SPAG16: variants seen among roughly 807,000 people sequenced by gnomAD.
SPAG16 encodes the protein sperm associated antigen 16.
SPAG16 carries 86 observed loss-of-function variants against 80.4 expected under a neutral mutation model. The ratio of observed to expected loss-of-function variants is 1.07; its 90% CI spans 0.90 to 1.28. The LOEUF is 1.28. Among genes scored for constraint, SPAG16 ranks in the 50% most tolerant of loss-of-function variants. SPAG16 has a pLI of 0.00. For synonymous variants in SPAG16, 294 were observed against 265.9 expected, an observed-to-expected ratio of 1.11 and a Z score of -1.03; for missense variants, 870 against 765.3, an observed-to-expected ratio of 1.14 and a Z score of -1.61.
intron 14 of SPAG16, among the ~76,000 whole-genome samples, chr2:214,119,399 A>C (rs1173334756): frequency 6.6e-6 from 1 of 152,138 alleles, no homozygotes; most frequent in Non-Finnish European, 1.5e-5. Flanking sequence ...CAAAAAAGGA[A>C]GATGACAGTA....
intron 15 of SPAG16, among the ~76,000 whole-genome samples, chr2:214,311,311 G>A (rs1290109136): frequency 2.0e-5 from 3 of 152,160 alleles, no homozygotes; most frequent in African/African-American, 7.2e-5. Context: ...GGGTTTTGAG[G>A]TTCCCTGGGT....
At chr2:214,299,243 C>CTT (rs33961996) in intron 15 of SPAG16, among the ~76,000 whole-genome samples, 34 of 57,666 alleles carry the variant, frequency 5.9e-4, no homozygotes, top group South Asian at 7.7e-4. Context: ...GTGTAGTATA[C>CTT]TTTTTTTTTT....
At chr2:214,381,768 T>A (rs995078395) in intron 15 of SPAG16, among the ~76,000 whole-genome samples, 3 of 152,046 alleles carry the variant, frequency 2.0e-5, no homozygotes, top group African/African-American at 7.2e-5. Context: ...CTTAATCCAA[T>A]CCAAACAAAG....
intron 10 of SPAG16, among the ~76,000 whole-genome samples, chr2:213,651,385 G>A (rs1559344796): frequency 2.0e-5 from 3 of 152,164 alleles, no homozygotes; most frequent in African/African-American, 7.2e-5. Context: ...TGGAGCACAT[G>A]TTCATTCTAC....
intron 11 of SPAG16, among the ~76,000 whole-genome samples, chr2:213,884,926 T>C (rs1016026310): frequency 3.3e-5 from 5 of 152,202 alleles, no homozygotes; most frequent in Non-Finnish European, 7.4e-5. Flanking sequence ...GTTTTACCTT[T>C]CTCTTGAATA....
At chr2:213,373,209 T>C (rs1471389344) in intron 8 of SPAG16, among the ~76,000 whole-genome samples, 3 of 152,180 alleles carry the variant, frequency 2.0e-5, no homozygotes, top group African/African-American at 7.2e-5. Context: ...AAGTGCTATA[T>C]GGAATCTGAG....
chr2:213,322,096 A>T lies in SPAG16; in HGVS notation c.536+4740A>T, dbSNP rs187641760. On this transcript the variant is annotated intron_variant, in intron 5 of 15. Transcript: ENST00000331683. ...AATAAAAATAAATAAATAAATAAAT[A>T]AAAAAAAGTAAAAAAAAAAGATTAT... 2.1e-3 allele frequency among the ~76,000 whole-genome samples: 313 copies of T among 146,854 alleles called. 17 individuals are homozygous for T. Among genetic ancestry groups the T allele is most frequent in the Admixed American group, 0.021 (311 of 14,854 alleles).
At chr2:213,462,444 A>C (rs1310038525) in intron 9 of SPAG16, among the ~76,000 whole-genome samples, 1 of 152,056 alleles carries the variant, frequency 6.6e-6, no homozygotes, top group African/African-American at 2.4e-5. Flanking sequence ...TATTTGGAGG[A>C]GATCACATGT....
At chr2:214,367,537 G>A (rs954913866) in intron 15 of SPAG16, among the ~76,000 whole-genome samples, 1 of 152,114 alleles carries the variant, frequency 6.6e-6, no homozygotes, top group African/African-American at 2.4e-5. Flanking sequence ...AAGCGGAAAA[G>A]GCTTCTATGA....
rs1197062189 is a variant in SPAG16 at position 213,640,495 on chromosome 2, A to G, written c.1070+150405A>G. ...AGGGATGCAGCTTCCTGAGAGCTGG[A>G]CTGCCGTGATTGTTATTTGTCTTCT... On this transcript the variant is annotated intron_variant, in intron 10 of 15. Transcript: ENST00000331683. Among the ~76,000 whole-genome samples the G allele has an allele frequency of 2.6e-5, 4 of 152,050 alleles. No individual in the cohort carries two copies. The East Asian group carries it at 7.8e-4, about 30-fold the overall frequency.
intron 10 of SPAG16, among the ~76,000 whole-genome samples, chr2:213,857,996 G>A (rs1200317732): frequency 1.3e-5 from 2 of 152,140 alleles, no homozygotes; most frequent in Non-Finnish European, 2.9e-5. Context: ...CTGAAAATGC[G>A]ATTCAATTGC....
intron 10 of SPAG16, among the ~76,000 whole-genome samples, chr2:213,828,301 T>C (rs772959626): frequency 3.3e-5 from 5 of 152,194 alleles, no homozygotes; most frequent in Admixed American, 2.0e-4. Flanking sequence ...CATTCTGCTA[T>C]TAAGAGACTC....
chr2:214,029,058 A>C (rs1472690550), intron 13 of SPAG16, among the ~76,000 whole-genome samples: 1 of 152,076 alleles, frequency 6.6e-6, no homozygotes, highest in East Asian at 1.9e-4. Context: ...AGAAATCAGG[A>C]ATCAGGGAAA....
At chr2:214,104,479 C>A (rs995855818) in intron 13 of SPAG16, among the ~76,000 whole-genome samples, 5 of 151,862 alleles carry the variant, frequency 3.3e-5, no homozygotes, top group Non-Finnish European at 7.4e-5. Flanking sequence ...TGATGGCCTG[C>A]CCCCAGAGTG....
At position 213,478,615 on chromosome 2, in the gene SPAG16, A is replaced by G. The variant is rs188120320; in HGVS notation, c.943-11348A>G. Among the ~76,000 whole-genome samples, 213 of 152,246 alleles carry G rather than the reference A, an allele frequency of 1.4e-3. 1 individual carries two copies. The highest frequency in any genetic ancestry group is 2.5e-4 in the Non-Finnish European group (17 of 68,010). On this transcript the variant is annotated intron_variant, in intron 9 of 15. Transcript: ENST00000331683. ...CAACAGTTTCTCTTTAGGAACTTTGATATCAGGGAATGCCTTTCATAGTTC... is the reference window on the plus strand; with the variant it reads ...CAACAGTTTCTCTTTAGGAACTTTGGTATCAGGGAATGCCTTTCATAGTTC...
intron 9 of SPAG16, among the ~76,000 whole-genome samples, chr2:213,415,576 T>C (rs557289230): frequency 7.5e-4 from 115 of 152,334 alleles, no homozygotes; most frequent in African/African-American, 1.1e-3. Context: ...TTGGTACTTA[T>C]GGGGCAAATC....
At chr2:213,869,253 C>CAAAAAAAAAAAAAAAAAAAA (rs1329869756) in intron 11 of SPAG16, among the ~76,000 whole-genome samples, 1 of 82,810 alleles carries the variant, frequency 1.2e-5, no homozygotes. Flanking sequence ...AAGTCCATGT[C>CAAAAAAAAAAAAAAAAAAAA]AAAAAAAAAA....
intron 10 of SPAG16, among the ~76,000 whole-genome samples, chr2:213,584,311 C>T (rs777459798): frequency 1.3e-5 from 2 of 152,000 alleles, no homozygotes; most frequent in Non-Finnish European, 2.9e-5. Context: ...TTGGGAAATG[C>T]AGTTGGGTTA....
At chr2:214,314,034 G>T (rs1695512719) in intron 15 of SPAG16, among the ~76,000 whole-genome samples, 1 of 152,082 alleles carries the variant, frequency 6.6e-6, no homozygotes, top group African/African-American at 2.4e-5. Context: ...CATTGTATTT[G>T]TATCTAGGCC....
Sources: gnomAD v4.1 joint callset for allele counts (sites outside exome capture counted in the v4.1 genomes callset) on GRCh38, gnomAD v4.1.1 for gene constraint, MANE v1.5 for transcripts, NCBI Gene and HGNC (gene_info 2026-07-23, HGNC 2026-07-21) for gene names.